The following TENT4B variants were observed in gnomAD, a reference collection of about 807,000 sequenced individuals.
The protein encoded by TENT4B is terminal nucleotidyltransferase 4B.
Under a neutral mutation model 75.0 loss-of-function variants are expected in TENT4B, and 10 were observed. The ratio of observed to expected loss-of-function variants is 0.13; its 90% CI spans 0.08 to 0.23. The LOEUF is 0.23. Among genes scored for constraint, TENT4B ranks in the 10% least tolerant of loss-of-function variants. The pLI is 1.00. For synonymous variants in TENT4B, 350 were observed against 357.7 expected (o/e 0.98, Z 0.24); for missense variants, 579 against 893.8 (o/e 0.65, Z 4.49).
In TENT4B at chr16:50,224,640, G is replaced by C. The variant is rs768108458; in HGVS notation, c.1382-17G>C. 1 of 1,613,538 alleles carries C rather than the reference G, an allele frequency of 6.2e-7. No individual in the cohort carries two copies. Among genetic ancestry groups the C allele is most frequent in the Admixed American group, 1.7e-5 (1 of 59,986 alleles). ...AGCACAGTCAGGCTTACTATGTTAC[G>C]TATATTTCTTTTAAAGGTAACGATG... On this transcript the variant is annotated splice_polypyrimidine_tract_variant and intron_variant, in intron 7 of 11. Transcript: ENST00000561678.
At chr16:50,226,798 C>T (rs2032077294) in intron 10 of TENT4B, among the ~76,000 whole-genome samples, 1 of 152,194 alleles carries the variant, frequency 6.6e-6, no homozygotes, top group South Asian at 2.1e-4. Context: ...AACATATTCA[C>T]AATGTTGTGC....
intron 5 of TENT4B, among the ~76,000 whole-genome samples, chr16:50,221,553 T>C (rs1450007132): frequency 6.6e-6 from 1 of 152,214 alleles, no homozygotes; most frequent in African/African-American, 2.4e-5. Context: ...GCCCCAGGGC[T>C]GTGGCAGAAT....
chr16:50,219,140 CTT>C (rs1239852170), intron 5 of TENT4B, among the ~76,000 whole-genome samples: 1 of 151,988 alleles, frequency 6.6e-6, no homozygotes. Context: ...CTGGAAAAAA[CTT>C]TTAAAAATTG....
At chr16:50,192,283 C>G (rs1473805889) in intron 1 of TENT4B, among the ~76,000 whole-genome samples, 2 of 151,194 alleles carry the variant, frequency 1.3e-5, no homozygotes, top group South Asian at 4.2e-4. Context: ...TCTTCCTATA[C>G]AACAAGTTGT....
upstream of TENT4B, chr16:50,153,134 C>T (rs2037793743): frequency 1.7e-5 from 13 of 746,866 alleles, no homozygotes; most frequent in East Asian, 6.4e-5. Context: ...GCCTCCCGGG[C>T]TGCTGCGCGG....
intron 1 of TENT4B, among the ~76,000 whole-genome samples, chr16:50,188,953 C>A (rs1309264065): frequency 6.6e-6 from 1 of 152,194 alleles, no homozygotes; most frequent in East Asian, 1.9e-4. Flanking sequence ...TCCCTTTTCC[C>A]ATAGTAACCA....
In TENT4B at chr16:50,232,984, CAG is replaced by C; in HGVS notation, c.*3658_*3659del. On this transcript the variant is annotated 3_prime_UTR_variant, in exon 12 of 12. Coordinates refer to ENST00000561678, the MANE Select transcript of TENT4B (RefSeq NM_001365324.3). ...ATATTGAAATGTTAAAATTAATGAA[CAG>C]AAGAATTTATTCTTACCCATCTATT... The C allele has an allele frequency of 3.0e-6, 3 of 983,976 alleles. No individual in the cohort carries two copies. Among genetic ancestry groups the C allele is most frequent in the Non-Finnish European group, 3.6e-6 (3 of 828,640 alleles). 61.0% of individuals were successfully genotyped at this position (983,976 alleles called of 1,614,324 possible).
chr16:50,207,717 G>C (rs2031060639), intron 1 of TENT4B, among the ~76,000 whole-genome samples: 1 of 152,112 alleles, frequency 6.6e-6, no homozygotes, highest in African/African-American at 2.4e-5. Context: ...AGAAACTGAA[G>C]TTTTCTCTGT....
Position 50,188,664 on chromosome 16 carries a change from AT to A in TENT4B, c.639-22658del, listed in dbSNP as rs1178821610. ...ATTATGAAACATTGCTTTATTCCCTATCCTGCTTGTACATTTAATTTTTTCA... is the reference window on the plus strand; with the variant it reads ...ATTATGAAACATTGCTTTATTCCCTACCTGCTTGTACATTTAATTTTTTCA... On this transcript the variant is annotated intron_variant, in intron 1 of 11. Transcript: ENST00000561678. Among the ~76,000 whole-genome samples, 6 of 152,306 alleles carry A rather than the reference AT, an allele frequency of 3.9e-5. No individual in the cohort carries two copies. The East Asian group carries it at 1.2e-3, about 29-fold the overall frequency.
chr16:50,178,079 AC>A (rs2038343196), intron 1 of TENT4B, among the ~76,000 whole-genome samples: 2 of 148,016 alleles, frequency 1.4e-5, no homozygotes, highest in Admixed American at 1.3e-4. Flanking sequence ...CTGAGAGCAT[AC>A]CTTGTATGCT....
intron 6 of TENT4B, 68 bp from the exon 7 acceptor site, chr16:50,223,106 T>C (rs1425938480): frequency 7.9e-7 from 1 of 1,265,262 alleles, no homozygotes; most frequent in Admixed American, 2.2e-5. Context: ...AGTTAGAATA[T>C]AATTTATTCC....
In TENT4B at chr16:50,197,940, T is replaced by C. The variant is rs1253681340; in HGVS notation, c.639-13383T>C. Among the ~76,000 whole-genome samples, 4 of 152,138 alleles carry C rather than the reference T, an allele frequency of 2.6e-5. No individual in the cohort carries two copies. In the East Asian group the frequency reaches 7.7e-4, roughly 29 times the overall value. On this transcript the variant is annotated intron_variant, in intron 1 of 11. Transcript: ENST00000561678. Reference sequence around the variant, plus strand: ...CTTAAAATATGTAAGGAGACAGTTTTAGGCTAAACTTGATTTAACACATTA... The same window carrying C: ...CTTAAAATATGTAAGGAGACAGTTTCAGGCTAAACTTGATTTAACACATTA...
At position 50,194,699 on chromosome 16, in the gene TENT4B, C is replaced by A. The variant is rs534263986; in HGVS notation, c.639-16624C>A. On this transcript the variant is annotated intron_variant, in intron 1 of 11. Coordinates refer to ENST00000561678, the MANE Select transcript of TENT4B (RefSeq NM_001365324.3). ...CCTCCACCCCCACCCGCTCCTTTCC[C>A]CCACAGTAGCTGGAACTACAGGCGC... is the stretch of plus-strand genomic sequence containing the variant. 2.7e-4 allele frequency among the ~76,000 whole-genome samples: 41 copies of A among 151,856 alleles called. No individual in the cohort carries two copies. In the South Asian group the frequency reaches 4.8e-3, roughly 18 times the overall value.
At chr16:50,192,420 A>AT (rs982892602) in intron 1 of TENT4B, among the ~76,000 whole-genome samples, 7 of 151,928 alleles carry the variant, frequency 4.6e-5, no homozygotes, top group African/African-American at 1.2e-4. Context: ...TTTCTTTAAA[A>AT]TTTTTTTTAA....
In TENT4B at chr16:50,211,446, C is replaced by T. The variant is rs780203591; in HGVS notation, c.762C>T (p.Asp254=). The change falls in exon 2 of 12, where the codon GAC becomes GAT. Residue 254 remains aspartate, a splice_region_variant and synonymous_variant. Transcript: ENST00000561678. ...SVIKELWPSA[D]VQIFGSFKTG... Reference sequence around the variant, plus strand: ...TTAAGGAGCTCTGGCCCAGCGCTGACGTGAGTCCCTTCCTGGGTAGCTTAT... The same window carrying T: ...TTAAGGAGCTCTGGCCCAGCGCTGATGTGAGTCCCTTCCTGGGTAGCTTAT... 3.6e-5 allele frequency: 56 copies of T among 1,574,166 alleles called. No homozygotes were observed. The highest frequency in any genetic ancestry group is 1.2e-4 in the Admixed American group (6 of 48,386).
chr16:50,203,050 A>G (rs1220370791), intron 1 of TENT4B, among the ~76,000 whole-genome samples: 1 of 152,222 alleles, frequency 6.6e-6, no homozygotes, highest in Non-Finnish European at 1.5e-5. Context: ...GGACACATAG[A>G]CGAGTATCCA....
At chr16:50,214,429 G>T (rs2031445268) in intron 3 of TENT4B, among the ~76,000 whole-genome samples, 162 bp downstream of exon 3, 1 of 152,180 alleles carries the variant, frequency 6.6e-6, no homozygotes, top group African/African-American at 2.4e-5. Context: ...GCCAAGGAGG[G>T]TGGATCATTT....
chr16:50,211,573 T>A, intron 2 of TENT4B, 127 bp downstream of exon 2: 4 of 1,117,892 alleles, frequency 3.6e-6, no homozygotes, highest in Non-Finnish European at 4.6e-6. Flanking sequence ...GTGGTCTAAT[T>A]AAATTTTAAA....
rs1188892987 is a variant in TENT4B, at chr16:50,229,802, G to T, written c.*474G>T. The T allele has an allele frequency of 1.0e-5, 10 of 960,680 alleles. No individual in the cohort carries two copies. The highest frequency in any genetic ancestry group is 6.2e-5 in the Admixed American group (1 of 16,170). The allele number at this position is 960,680 out of a possible 1,614,324, so 59.5% of individuals were successfully genotyped here. ...GCATGTTTTTTTTTTAAATATTTTT[G>T]CATATATTTACCATTTTATTGTGTG... On this transcript the variant is annotated 3_prime_UTR_variant, in exon 12 of 12. Transcript: ENST00000561678.
Sources: allele counts gnomAD v4.1 joint callset (sites outside exome capture counted in the v4.1 genomes callset), GRCh38; gene constraint gnomAD v4.1.1; transcripts MANE v1.5; gene names NCBI Gene and HGNC (gene_info 2026-07-23, HGNC 2026-07-21).